FRAS1: variants seen among roughly 807,000 people sequenced by gnomAD.
FRAS1 encodes the protein Fraser extracellular matrix complex subunit 1, also known as extracellular matrix organizing protein FRAS1.
FRAS1 carries 290 observed loss-of-function variants against 435.2 expected under a neutral mutation model. The ratio of observed to expected loss-of-function variants is 0.67; its 90% confidence interval spans 0.61 to 0.73. FRAS1 has a LOEUF of 0.73. Among genes scored for constraint, FRAS1 ranks in the 30% least tolerant of loss-of-function variants. The pLI is 0.00. For synonymous variants in FRAS1, 1,800 were observed against 1,851.0 expected, an observed-to-expected ratio of 0.97 and a Z score of 0.71; for missense variants, 4,860 against 5,001.5, an observed-to-expected ratio of 0.97 and a Z score of 0.85.
chr4:78,513,433 T>C lies in FRAS1; in HGVS notation c.10055T>C (p.Leu3352Pro), dbSNP rs1294843799. ...SVQIPHQDGM[L>P]PLISTMPLHN... ...CAGATCCCACACCAGGATGGAATGC[T>C]GCCCCTTATCTCCACCATGCCGTTG... is the stretch of plus-strand genomic sequence containing the variant. The change falls in exon 65 of 74, where the codon CTG becomes CCG. Residue 3352 changes from leucine to proline, a missense_variant. Leu to Pro is a moderately conservative substitution (Grantham distance 98, BLOSUM62 -3). Transcript: ENST00000512123. 7.4e-6 allele frequency: 12 copies of C among 1,614,006 alleles called. No individual in the cohort carries two copies. The highest frequency in any genetic ancestry group is 1.0e-5 in the Non-Finnish European group (12 of 1,179,862).
chr4:78,130,441 A>G (rs926713816), intron 2 of FRAS1, among the ~76,000 whole-genome samples: 2 of 152,194 alleles, frequency 1.3e-5, no homozygotes, highest in Admixed American at 1.3e-4. Flanking sequence ...ATTGCTAGCA[A>G]TACTGATATT....
At chr4:78,122,658 T>A (rs1719098953) in intron 2 of FRAS1, among the ~76,000 whole-genome samples, 1 of 152,216 alleles carries the variant, frequency 6.6e-6, no homozygotes, top group Non-Finnish European at 1.5e-5. Flanking sequence ...GACTTTTTAA[T>A]GATCGCCATT....
chr4:78,307,904 G>T (rs1252935330), intron 14 of FRAS1, among the ~76,000 whole-genome samples, 162 bp from the exon 15 acceptor site: 1 of 152,206 alleles, frequency 6.6e-6, no homozygotes, highest in African/African-American at 2.4e-5. Context: ...TCTTGAAGAA[G>T]AGGGTGTTGT....
intron 27 of FRAS1, among the ~76,000 whole-genome samples, chr4:78,383,062 T>A (rs1732081200): frequency 6.6e-6 from 1 of 152,192 alleles, no homozygotes; most frequent in Admixed American, 6.5e-5. Flanking sequence ...AGTAGTCCTA[T>A]ATCTTACCAT....
At position 78,105,967 on chromosome 4, in the gene FRAS1, G is replaced by A. The variant is rs111337460; in HGVS notation, c.108+39951G>A. ...CAAGGGGTCAGGGAGTTCCCTTTCCGAGTCAAAGAAAGGGGTGACGGATGC... is the reference window on the plus strand; with the variant it reads ...CAAGGGGTCAGGGAGTTCCCTTTCCAAGTCAAAGAAAGGGGTGACGGATGC... On this transcript the variant is annotated intron_variant, in intron 2 of 73. Transcript: ENST00000512123. Among the ~76,000 whole-genome samples the A allele has an allele frequency of 2.3e-5, 3 of 129,230 alleles. 1 individual carries two copies. The highest frequency in any genetic ancestry group is 1.0e-4 in the African/African-American group (3 of 30,022). The allele number at this position is 129,230 out of a possible 152,430, so 84.8% of individuals were successfully genotyped here. A position where few individuals can be genotyped will look rare whatever the true frequency, so the allele number is the denominator to read the frequency against.
chr4:78,493,245 G>A (rs1403371725), intron 59 of FRAS1, among the ~76,000 whole-genome samples: 2 of 152,236 alleles, frequency 1.3e-5, no homozygotes, highest in Admixed American at 6.5e-5. Flanking sequence ...AGACAGGATG[G>A]TGATTCCTCA....
intron 14 of FRAS1, among the ~76,000 whole-genome samples, chr4:78,302,815 C>G (rs1465352233): frequency 6.6e-6 from 1 of 152,058 alleles, no homozygotes; most frequent in Admixed American, 6.6e-5. Flanking sequence ...GTTGCCTGTT[C>G]ACTCTGATGG....
chr4:78,427,561 T>A (rs1734045644), intron 35 of FRAS1, among the ~76,000 whole-genome samples: 1 of 152,224 alleles, frequency 6.6e-6, no homozygotes. Context: ...ATGAAAAAGT[T>A]TGTATGCTTG....
intron 66 of FRAS1, 42 bp downstream of exon 66, chr4:78,516,055 G>A (rs1473192553): frequency 6.7e-7 from 1 of 1,487,124 alleles, no homozygotes; most frequent in Non-Finnish European, 9.2e-7. Context: ...GCATATGGGT[G>A]CCATGGTCAA....
intron 27 of FRAS1, 118 bp downstream of exon 27, chr4:78,380,114 A>G (rs1731956375): frequency 9.0e-7 from 1 of 1,116,322 alleles, no homozygotes; most frequent in Non-Finnish European, 1.3e-6. Flanking sequence ...GGGGAAGATC[A>G]ATACTCCACA....
intron 2 of FRAS1, among the ~76,000 whole-genome samples, chr4:78,232,818 A>G (rs765705870): frequency 2.0e-5 from 3 of 152,212 alleles, no homozygotes; most frequent in Non-Finnish European, 4.4e-5. Context: ...TAATTCAGTC[A>G]ACATACAGAA....
At chr4:78,485,261 A>G (rs1720133724) in intron 58 of FRAS1, among the ~76,000 whole-genome samples, 4 of 152,234 alleles carry the variant, frequency 2.6e-5, no homozygotes, top group Admixed American at 2.6e-4. Flanking sequence ...ATTTTATTAC[A>G]TGTTGATTTC....
chr4:78,379,413 A>G (rs1415582577), intron 26 of FRAS1: 5 of 302,174 alleles, frequency 1.7e-5, no homozygotes, highest in African/African-American at 2.3e-5. Flanking sequence ...TCTATATGGA[A>G]CGTGTGTCAA....
At chr4:78,269,917 C>G (rs1043122639) in intron 9 of FRAS1, among the ~76,000 whole-genome samples, 3 of 152,090 alleles carry the variant, frequency 2.0e-5, no homozygotes, top group African/African-American at 7.2e-5. Flanking sequence ...ATTCCCTGCT[C>G]CAGTGGAGGC....
chr4:78,482,387 G>A lies in FRAS1; in HGVS notation c.8605-1G>A, dbSNP rs1445400568. ...CAAGTTTGCTTTGGTTTCTCTTCTA[G>A]TATTGCACCTTGACTATCTTGGATG... is the stretch of plus-strand genomic sequence containing the variant. On this transcript the variant is annotated splice_acceptor_variant, in intron 57 of 73. Coordinates refer to ENST00000512123, the MANE Select transcript of FRAS1 (RefSeq NM_025074.7). LOFTEE classifies it high-confidence loss of function. 9 of 1,613,688 alleles carry A rather than the reference G, an allele frequency of 5.6e-6. No individual in the cohort carries two copies. Among genetic ancestry groups the A allele is most frequent in the Non-Finnish European group, 7.6e-6 (9 of 1,179,800 alleles).
At chr4:78,315,091 A>G (rs1279975870) in intron 15 of FRAS1, among the ~76,000 whole-genome samples, 1 of 152,198 alleles carries the variant, frequency 6.6e-6, no homozygotes, top group Non-Finnish European at 1.5e-5. Flanking sequence ...ATCCTGAAAG[A>G]CTGTGTGAAG....
At chr4:78,409,897 A>C (rs1297877021) in intron 31 of FRAS1, among the ~76,000 whole-genome samples, 1 of 152,232 alleles carries the variant, frequency 6.6e-6, no homozygotes, top group Non-Finnish European at 1.5e-5. Context: ...TCATCGCCTG[A>C]CTAATTTATA....
chr4:78,129,177 G>C (rs1372717792), intron 2 of FRAS1, among the ~76,000 whole-genome samples: 1 of 152,212 alleles, frequency 6.6e-6, no homozygotes, highest in Non-Finnish European at 1.5e-5. Context: ...ATAGTTTGAA[G>C]TCAGGTAGCG....
intron 62 of FRAS1, 33 bp downstream of exon 62, chr4:78,507,641 A>C: frequency 6.4e-7 from 1 of 1,558,744 alleles, no homozygotes; most frequent in Non-Finnish European, 8.6e-7. Flanking sequence ...TTGCTGTTTT[A>C]CGTCTCAGTG....
Sources: allele counts gnomAD v4.1 joint callset (sites outside exome capture counted in the v4.1 genomes callset), GRCh38; gene constraint gnomAD v4.1.1; transcripts MANE v1.5; gene names NCBI Gene and HGNC (gene_info 2026-07-23, HGNC 2026-07-21).